TRIM37: variants seen among roughly 807,000 people sequenced by gnomAD.
TRIM37 encodes the protein tripartite motif containing 37.
Under a neutral mutation model 129.8 loss-of-function variants are expected in TRIM37, and 80 were observed. The ratio of observed to expected loss-of-function variants is 0.62; its 90% confidence interval spans 0.51 to 0.74. The LOEUF (loss-of-function observed/expected upper bound fraction) is 0.74. Among genes scored for constraint, TRIM37 ranks in the 30% least tolerant of loss-of-function variants. The pLI, the probability that TRIM37 is intolerant of heterozygous loss-of-function variation, is 0.00. For synonymous variants in TRIM37, 389 were observed against 387.1 expected (o/e 1.00, Z -0.06); for missense variants, 1,054 against 1,176.5 (o/e 0.90, Z 1.52).
intron 17 of TRIM37, among the ~76,000 whole-genome samples, chr17:59,034,089 A>G (rs555126746): frequency 6.6e-6 from 1 of 151,742 alleles, no homozygotes; most frequent in East Asian, 2.0e-4. Flanking sequence ...TCTGGTTGAC[A>G]GAGTGAGACT....
intron 17 of TRIM37, among the ~76,000 whole-genome samples, chr17:59,039,272 T>C (rs2038889851): frequency 6.6e-6 from 1 of 152,148 alleles, no homozygotes; most frequent in Non-Finnish European, 1.5e-5. Context: ...AATTCCTATG[T>C]TACCCTTCCC....
At chr17:59,091,673 A>T (rs1228771397) in intron 2 of TRIM37, among the ~76,000 whole-genome samples, 1 of 141,326 alleles carries the variant, frequency 7.1e-6, no homozygotes, top group African/African-American at 2.6e-5. Context: ...AAATACTACA[A>T]ATCTAATGGG....
chr17:59,099,169 G>A (rs140764305), intron 2 of TRIM37, among the ~76,000 whole-genome samples: 1,533 of 152,134 alleles, frequency 0.01, 27 homozygotes, highest in African/African-American at 0.035. Flanking sequence ...GCGACAGAGC[G>A]AGGCTCTGTC....
chr17:59,106,812 T>TG lies in TRIM37; in HGVS notation c.-352dup. ...TGACGGTGGAGTTCAGCGAAGAAGG[T>TG]GCCGCAGAGAATTCGCAAACACCAA... On this transcript the variant is annotated 5_prime_UTR_variant, in exon 1 of 24. Transcript: ENST00000262294. 2.1e-6 allele frequency: 1 copy of TG among 482,122 alleles called. No homozygotes were observed. The highest frequency in any genetic ancestry group is 3.5e-5 in the Admixed American group (1 of 28,312). 29.9% of individuals were successfully genotyped at this position (482,122 alleles called of 1,614,324 possible).
At chr17:59,058,036 A>C (rs947905037) in intron 12 of TRIM37, among the ~76,000 whole-genome samples, 1 of 152,172 alleles carries the variant, frequency 6.6e-6, no homozygotes, top group Non-Finnish European at 1.5e-5. Flanking sequence ...AAATATTGTT[A>C]TTTCTATTAT....
chr17:59,093,099 G>A (rs749710305), intron 2 of TRIM37, among the ~76,000 whole-genome samples: 1 of 152,096 alleles, frequency 6.6e-6, no homozygotes, highest in Non-Finnish European at 1.5e-5. Context: ...GCAGGGAGCC[G>A]AGACAGCGCC....
intron 19 of TRIM37, among the ~76,000 whole-genome samples, chr17:59,020,379 A>C (rs2036468767): frequency 6.6e-6 from 1 of 151,858 alleles, no homozygotes; most frequent in South Asian, 2.1e-4. Context: ...TGAGCAGGTC[A>C]AATCAAAGGA....
the TRIM37 span, among the ~76,000 whole-genome samples, chr17:58,977,098 G>T: frequency 6.6e-6 from 1 of 152,098 alleles, no homozygotes; most frequent in African/African-American, 2.4e-5. Flanking sequence ...TATAAGTGAA[G>T]TTGATTAAAT....
chr17:58,973,480 T>G, the TRIM37 span, among the ~76,000 whole-genome samples: 2 of 150,364 alleles, frequency 1.3e-5, no homozygotes, highest in Non-Finnish European at 3.0e-5. Context: ...ACATTTAAAA[T>G]TTTATGGAAG....
chr17:59,025,911 A>G (rs2037199211), intron 19 of TRIM37, among the ~76,000 whole-genome samples: 1 of 152,182 alleles, frequency 6.6e-6, no homozygotes, highest in Admixed American at 6.5e-5. Flanking sequence ...TTTATTGTAC[A>G]TCTGTATTTC....
intron 8 of TRIM37, among the ~76,000 whole-genome samples, chr17:59,073,445 C>T (rs542898160): frequency 6.6e-6 from 1 of 152,198 alleles, no homozygotes; most frequent in African/African-American, 2.4e-5. Flanking sequence ...AAGCATGTGC[C>T]ACCTCGCCCA....
rs968267355 is a variant in TRIM37 at position 59,049,207 on chromosome 17, C to G, written c.1501G>C (p.Glu501Gln). 1 of 1,613,954 alleles carries G rather than the reference C, an allele frequency of 6.2e-7. No homozygotes were observed. Among genetic ancestry groups the G allele is most frequent in the African/African-American group, 1.3e-5 (1 of 74,894 alleles). Residue 501 changes from glutamate (E) to glutamine (Q), a missense_variant, in exon 15 of 24, where the codon GAG becomes CAG. Around this residue, in one of 3 missense-constraint regions of TRIM37, gnomAD observed 752 missense variants for 870.8 expected, o/e 0.86. Coordinates refer to ENST00000262294, the MANE Select transcript of TRIM37 (RefSeq NM_015294.6). Reference protein sequence around the residue: ...VREAKEDEEDEEKIQNEDYHH... With the variant: ...VREAKEDEEDQEKIQNEDYHH... ...TAATCTTCATTCTGAATCTTCTCCTCATCTTCTTCATCCTCTTTGGCCTCT... is the reference window on the plus strand; with the variant it reads ...TAATCTTCATTCTGAATCTTCTCCTGATCTTCTTCATCCTCTTTGGCCTCT...
intron 19 of TRIM37, among the ~76,000 whole-genome samples, chr17:59,018,052 A>T (rs901777910): frequency 2.2e-4 from 34 of 152,292 alleles, no homozygotes; most frequent in African/African-American, 7.9e-4. Context: ...GTATTATTGG[A>T]TTAAAAAGAA....
At position 59,097,257 on chromosome 17, in the gene TRIM37, T is replaced by A. The variant is rs532217233; in HGVS notation, c.124-5917A>T. The stretch of plus-strand genomic sequence containing the variant: ...GGATGCCAGCTTTTACCATTTCTAT[T>A]TGACATAATACAGGTACTAAAAATT... On this transcript the variant is annotated intron_variant, in intron 2 of 23. Coordinates refer to ENST00000262294, the MANE Select transcript of TRIM37 (RefSeq NM_015294.6). Among the ~76,000 whole-genome samples, 3 of 152,228 alleles carry A rather than the reference T, an allele frequency of 2.0e-5. No homozygotes were observed. In the South Asian group the frequency reaches 6.2e-4, roughly 32 times the overall value.
intron 24 of TRIM37, among the ~76,000 whole-genome samples, chr17:58,986,474 T>C (rs576702929): frequency 2.6e-5 from 4 of 151,320 alleles, no homozygotes; most frequent in Non-Finnish European, 5.9e-5. Flanking sequence ...AAGTGCATCA[T>C]TTTCTTTTTG....
intron 17 of TRIM37, among the ~76,000 whole-genome samples, chr17:59,033,622 G>C (rs1311840900): frequency 6.6e-6 from 1 of 151,860 alleles, no homozygotes; most frequent in African/African-American, 2.4e-5. Flanking sequence ...GTTTCACCGT[G>C]TTAGGATGGT....
chr17:59,036,479 T>C (rs991775710), intron 17 of TRIM37, among the ~76,000 whole-genome samples: 5 of 150,232 alleles, frequency 3.3e-5, no homozygotes, highest in Non-Finnish European at 7.4e-5. Flanking sequence ...TGTGTGTGTG[T>C]GTGTGCACGC....
At chr17:59,000,929 T>G (rs1380099969) in intron 23 of TRIM37, among the ~76,000 whole-genome samples, 1 of 152,028 alleles carries the variant, frequency 6.6e-6, no homozygotes, top group Non-Finnish European at 1.5e-5. Context: ...GCACGGTGGC[T>G]CACGCCTGTA....
intron 2 of TRIM37, among the ~76,000 whole-genome samples, chr17:59,092,038 G>A (rs1408896795): frequency 6.6e-6 from 1 of 150,970 alleles, no homozygotes; most frequent in East Asian, 1.9e-4. Context: ...ATACATTATA[G>A]ACATGTAAAT....
Sources: gnomAD v4.1 joint callset for allele counts (sites outside exome capture counted in the v4.1 genomes callset) on GRCh38, gnomAD v4.1.1 for gene constraint, gnomAD v4.1.1 regional missense constraint, MANE v1.5 for transcripts, NCBI Gene and HGNC (gene_info 2026-07-23, HGNC 2026-07-21) for gene names.